ETV5: variants seen among roughly 807,000 people sequenced by gnomAD.
The protein encoded by ETV5 is ETS variant transcription factor 5, also known as ETS translocation variant 5.
In ETV5, 10 loss-of-function variants were observed where a neutral mutation model predicts 70.0. That is an observed-to-expected ratio of 0.14 (90% CI 0.09 to 0.24). The LOEUF (loss-of-function observed/expected upper bound fraction) is 0.24. Among genes scored for constraint, ETV5 ranks in the 10% least tolerant of loss-of-function variants. The probability of loss-of-function intolerance (pLI) is 1.00; values close to 1 mark genes in which losing one functional copy is unlikely to be tolerated. For missense variants in ETV5, 453 were observed against 651.2 expected (o/e 0.70, Z 3.31); for synonymous variants, 216 against 242.2 (o/e 0.89, Z 1.01).
intron 9 of ETV5, among the ~76,000 whole-genome samples, chr3:186,059,083 A>G (rs1713243024): frequency 6.6e-6 from 1 of 152,074 alleles, no homozygotes; most frequent in Admixed American, 6.6e-5. Context: ...TAAAGGTGCC[A>G]AGGTATAATT....
intron 12 of ETV5, among the ~76,000 whole-genome samples, chr3:186,050,484 A>G (rs973517008): frequency 3.3e-5 from 5 of 152,204 alleles, no homozygotes; most frequent in African/African-American, 7.2e-5. Flanking sequence ...GCCTGATGAT[A>G]TCAACTCTAA....
intron 5 of ETV5, among the ~76,000 whole-genome samples, chr3:186,091,083 G>A (rs1160548902): frequency 6.6e-6 from 1 of 152,184 alleles, no homozygotes; most frequent in Non-Finnish European, 1.5e-5. Context: ...GCCAACAACT[G>A]GCTGGCCATA....
At chr3:186,091,881 T>C (rs1468982568) in intron 5 of ETV5, among the ~76,000 whole-genome samples, 1 of 152,122 alleles carries the variant, frequency 6.6e-6, no homozygotes. Context: ...TGGCTAGAAA[T>C]ACCAGGATGT....
chr3:186,080,319 T>C (rs910894187), intron 6 of ETV5, among the ~76,000 whole-genome samples: 2 of 152,130 alleles, frequency 1.3e-5, no homozygotes, highest in Non-Finnish European at 1.5e-5. Context: ...TCTAGTGATT[T>C]TTCTCAAGGA....
chr3:186,057,348 A>ATTT lies in ETV5; in HGVS notation c.1039+74_1039+75insAAA. Reference sequence around the variant, plus strand: ...TGCTGATTTAATCACTGGACTTGGGAAGAGAGTCATGGCTGAGGTGTTCTG... The same window carrying ATTT: ...TGCTGATTTAATCACTGGACTTGGGATTTAGAGAGTCATGGCTGAGGTGTTCTG... On this transcript the variant is annotated intron_variant, in intron 10 of 12. Coordinates refer to ENST00000306376, the MANE Select transcript of ETV5 (RefSeq NM_004454.3). The surrounding 1 kb of genome is among the most constrained non-coding windows in gnomAD (Gnocchi z 4.9). 6.2e-7 allele frequency: 1 copy of ATTT among 1,605,970 alleles called. No individual in the cohort carries two copies. The highest frequency in any genetic ancestry group is 8.5e-7 in the Non-Finnish European group (1 of 1,173,036).
At chr3:186,107,763 A>T (rs1023762387) in intron 1 of ETV5, among the ~76,000 whole-genome samples, 3 of 151,788 alleles carry the variant, frequency 2.0e-5, no homozygotes, top group Non-Finnish European at 4.4e-5. Context: ...GCCCGGTTTT[A>T]TGAATGGGAG....
chr3:186,105,928 G>A lies in ETV5; in HGVS notation c.-60C>T, dbSNP rs1361181443. The A allele has an allele frequency of 3.1e-6, 5 of 1,595,864 alleles. No individual in the cohort carries two copies. Among genetic ancestry groups the A allele is most frequent in the Non-Finnish European group, 4.3e-6 (5 of 1,169,206 alleles). ...GTTTCAGCATTGAGTAATTTCTGGG[G>A]GAAAAGGGATCCTCCTGTAATATGA... On this transcript the variant is annotated 5_prime_UTR_variant, in exon 2 of 13. Transcript: ENST00000306376. This position sits in a 1 kb window ranked among gnomAD's most constrained non-coding sequence, Gnocchi z 4.5.
At chr3:186,082,275 C>G (rs528868175) in intron 5 of ETV5, among the ~76,000 whole-genome samples, 2 of 152,296 alleles carry the variant, frequency 1.3e-5, no homozygotes, top group African/African-American at 4.8e-5. Context: ...GCCACTGTAT[C>G]AAAGGTCTCA....
chr3:186,086,455 TTATTAACAGATGGCCTGGTTA>T (rs1397174748), intron 5 of ETV5, among the ~76,000 whole-genome samples: 8 of 152,190 alleles, frequency 5.3e-5, no homozygotes. Context: ...AAAGCTGTCA[TTATTAACAGATGGCCTGGTTA>T]GGTACATAGA....
intron 5 of ETV5, among the ~76,000 whole-genome samples, chr3:186,097,839 GTGTTGT>G (rs1386594421): frequency 2.6e-5 from 4 of 152,228 alleles, no homozygotes; most frequent in Non-Finnish European, 5.9e-5. Context: ...AACAGTCCCA[GTGTTGT>G]TTGAGTTGGT....
intron 9 of ETV5, 86 bp downstream of exon 9, chr3:186,064,331 A>C (rs1411175441): frequency 1.6e-6 from 2 of 1,258,036 alleles, no homozygotes; most frequent in Admixed American, 1.7e-5. Flanking sequence ...GGAAGGAAGG[A>C]AGGTAGGAGA....
intron 5 of ETV5, among the ~76,000 whole-genome samples, chr3:186,101,603 C>T (rs1002903227): frequency 6.6e-6 from 1 of 152,226 alleles, no homozygotes; most frequent in African/African-American, 2.4e-5. Context: ...CTCCCAGATG[C>T]TTTCCTGAAC....
chr3:186,098,395 G>A (rs1714365051), intron 5 of ETV5, among the ~76,000 whole-genome samples: 1 of 152,072 alleles, frequency 6.6e-6, no homozygotes, highest in African/African-American at 2.4e-5. Flanking sequence ...GCTACATCGG[G>A]AGCCACCTGG....
intron 6 of ETV5, 52 bp downstream of exon 6, chr3:186,080,994 A>G (rs1325654964): frequency 1.9e-6 from 3 of 1,549,504 alleles, no homozygotes; most frequent in East Asian, 2.3e-5. Flanking sequence ...CTTGATGGCT[A>G]CTTCCAGAGC....
At chr3:186,091,978 A>T (rs1279162751) in intron 5 of ETV5, among the ~76,000 whole-genome samples, 1 of 152,246 alleles carries the variant, frequency 6.6e-6, no homozygotes. Context: ...TCATGAGAGT[A>T]GATGAGGTTG....
rs187980121 is a variant in ETV5 at position 186,054,616 on chromosome 3, G to A, written c.1209+2459C>T. Among the ~76,000 whole-genome samples, 1 of 152,280 alleles carries A rather than the reference G, an allele frequency of 6.6e-6. No homozygotes were observed. Among genetic ancestry groups the A allele is most frequent in the Admixed American group, 6.5e-5 (1 of 15,288 alleles). On this transcript the variant is annotated intron_variant, in intron 11 of 12. Transcript: ENST00000306376. The surrounding 1 kb of genome is among the most constrained non-coding windows in gnomAD (Gnocchi z 4.4). Reference sequence around the variant, plus strand: ...TCTAAAACCACAATTTCCATGCACAGTGTAATGGATATTATGGATAATTAC... The same window carrying A: ...TCTAAAACCACAATTTCCATGCACAATGTAATGGATATTATGGATAATTAC...
chr3:186,080,316 A>AT (rs1367175037), intron 6 of ETV5, among the ~76,000 whole-genome samples: 1 of 148,700 alleles, frequency 6.7e-6, no homozygotes, highest in African/African-American at 2.5e-5. Flanking sequence ...ACTTCTAGTG[A>AT]TTTTTCTCAA....
intron 5 of ETV5, among the ~76,000 whole-genome samples, chr3:186,084,627 A>G (rs1714013806): frequency 6.6e-6 from 1 of 152,156 alleles, no homozygotes; most frequent in Non-Finnish European, 1.5e-5. Context: ...ATGCAATCAG[A>G]GATAGATTAG....
chr3:186,084,871 A>G (rs1714021002), intron 5 of ETV5, among the ~76,000 whole-genome samples: 1 of 152,166 alleles, frequency 6.6e-6, no homozygotes, highest in African/African-American at 2.4e-5. Flanking sequence ...CAAAAATACC[A>G]CTTACACCTG....
Sources: gnomAD v4.1 joint callset for allele counts (sites outside exome capture counted in the v4.1 genomes callset) on GRCh38, gnomAD v4.1.1 for gene constraint, Gnocchi (gnomAD v3.1) non-coding constraint, MANE v1.5 for transcripts, NCBI Gene and HGNC (gene_info 2026-07-23, HGNC 2026-07-21) for gene names.